The following RGS7 variants were observed in gnomAD, a reference collection of about 807,000 sequenced individuals.
The protein encoded by RGS7 is regulator of G-protein signaling 7.
RGS7 carries 27 observed loss-of-function variants against 81.1 expected under a neutral mutation model. The ratio of observed to expected loss-of-function variants is 0.33; its 90% CI spans 0.25 to 0.46. The LOEUF (loss-of-function observed/expected upper bound fraction) is 0.46, where lower values mean the gene tolerates loss of function less well. RGS7 is among the 20% of genes least tolerant of loss of function. The pLI is 1.00. For synonymous variants in RGS7, 208 were observed against 207.7 expected (o/e 1.00, Z -0.01); for missense variants, 396 against 607.4 (o/e 0.65, Z 3.66).
At chr1:241,278,498 T>G (rs992566968) in intron 2 of RGS7, among the ~76,000 whole-genome samples, 3 of 152,184 alleles carry the variant, frequency 2.0e-5, no homozygotes, top group South Asian at 4.1e-4. Context: ...GGCGCAGCCA[T>G]TGTTGTTGTT....
At chr1:241,320,744 C>A (rs1201490159) in intron 2 of RGS7, among the ~76,000 whole-genome samples, 3 of 152,190 alleles carry the variant, frequency 2.0e-5, no homozygotes, top group African/African-American at 7.2e-5. Flanking sequence ...CAGGAATAGT[C>A]AGGCAAATCC....
chr1:241,167,072 T>TG (rs1207690834), intron 2 of RGS7, among the ~76,000 whole-genome samples: 1 of 152,228 alleles, frequency 6.6e-6, no homozygotes, highest in East Asian at 1.9e-4. Flanking sequence ...ATACAGGGCA[T>TG]GGATAACCTG....
intron 15 of RGS7, 24 bp downstream of exon 15, chr1:240,806,116 G>A (rs372091238): frequency 4.4e-6 from 7 of 1,606,670 alleles, no homozygotes; most frequent in Middle Eastern, 1.9e-4. Context: ...CACGTTTGTG[G>A]TGTGAGGCTC....
At chr1:240,941,953 C>T (rs1677658157) in intron 4 of RGS7, among the ~76,000 whole-genome samples, 1 of 151,544 alleles carries the variant, frequency 6.6e-6, no homozygotes, top group Non-Finnish European at 1.5e-5. Flanking sequence ...ATTCTCTTCA[C>T]CCACACAGCT....
chr1:241,030,898 C>T (rs1468804214), intron 3 of RGS7, among the ~76,000 whole-genome samples: 1 of 152,164 alleles, frequency 6.6e-6, no homozygotes, highest in Admixed American at 6.6e-5. Flanking sequence ...AAGTGACATC[C>T]CTTTGAAAGG....
rs552813984 is a variant in RGS7, at chr1:241,353,028, G to A, written c.78+2671C>T. Among the ~76,000 whole-genome samples the A allele has an allele frequency of 1.8e-4, 27 of 152,310 alleles. No individual in the cohort carries two copies. In the South Asian group the frequency reaches 3.5e-3, roughly 20 times the overall value. ...CAGTTCAGAACACACTTTCAAGAAC[G>A]ATGCTTCAATAGTGAAGTAGAAGGG... is the stretch of plus-strand genomic sequence containing the variant. On this transcript the variant is annotated intron_variant, in intron 2 of 18. Coordinates refer to ENST00000440928, the MANE Select transcript of RGS7 (RefSeq NM_001364886.1).
intron 2 of RGS7, among the ~76,000 whole-genome samples, chr1:241,321,093 A>G (rs750791276): frequency 6.6e-6 from 1 of 152,204 alleles, no homozygotes; most frequent in Non-Finnish European, 1.5e-5. Flanking sequence ...TTTTATGAAG[A>G]TTTATAAACT....
Position 240,899,744 on chromosome 1 carries a change from G to A in RGS7, c.386-29625C>T, listed in dbSNP as rs191871335. 1.8e-3 allele frequency among the ~76,000 whole-genome samples: 272 copies of A among 152,206 alleles called. 2 individuals are homozygous for A. Among genetic ancestry groups the A allele is most frequent in the African/African-American group, 6.2e-3 (259 of 41,510 alleles). Reference sequence around the variant, plus strand: ...TTTTTTCCTTCATTTCAACTTTGGTGAATCTGACAATTATGTGTCTTAGAG... The same window carrying A: ...TTTTTTCCTTCATTTCAACTTTGGTAAATCTGACAATTATGTGTCTTAGAG... On this transcript the variant is annotated intron_variant, in intron 6 of 18. Coordinates refer to ENST00000440928, the MANE Select transcript of RGS7 (RefSeq NM_001364886.1).
At chr1:241,347,485 T>A (rs2082973094) in intron 2 of RGS7, among the ~76,000 whole-genome samples, 1 of 152,200 alleles carries the variant, frequency 6.6e-6, no homozygotes, top group South Asian at 2.1e-4. Context: ...TTTATACCTT[T>A]TATACCTCAA....
intron 6 of RGS7, among the ~76,000 whole-genome samples, chr1:240,888,679 G>A (rs1667774962): frequency 1.3e-5 from 2 of 152,144 alleles, no homozygotes; most frequent in Non-Finnish European, 2.9e-5. Context: ...AAACTGCACA[G>A]CCGCGCGTTG....
chr1:241,202,932 G>A (rs184626441), intron 2 of RGS7, among the ~76,000 whole-genome samples: 27 of 152,190 alleles, frequency 1.8e-4, no homozygotes, highest in Admixed American at 7.8e-4. Context: ...AGAGAAACAT[G>A]CTTCTGAGTC....
intron 6 of RGS7, among the ~76,000 whole-genome samples, chr1:240,872,606 C>G (rs1664686779): frequency 6.6e-6 from 1 of 152,228 alleles, no homozygotes; most frequent in South Asian, 2.1e-4. Flanking sequence ...AGTCCAGACA[C>G]AGTTGCTGTA....
chr1:240,779,671 A>G (rs937282507), intron 18 of RGS7, among the ~76,000 whole-genome samples: 2 of 152,200 alleles, frequency 1.3e-5, no homozygotes, highest in Non-Finnish European at 2.9e-5. Flanking sequence ...ATTTTGTTAT[A>G]GCTGACTATA....
At chr1:240,952,408 A>G (rs1679714989) in intron 4 of RGS7, among the ~76,000 whole-genome samples, 2 of 152,202 alleles carry the variant, frequency 1.3e-5, no homozygotes, top group Middle Eastern at 6.8e-3. Flanking sequence ...ATGGTATATG[A>G]AACAGTATAG....
intron 6 of RGS7, among the ~76,000 whole-genome samples, chr1:240,930,347 T>G (rs1675216089): frequency 6.6e-6 from 1 of 151,870 alleles, no homozygotes; most frequent in African/African-American, 2.4e-5. Flanking sequence ...TCAAGGGACT[T>G]ACTAAAAAGC....
intron 3 of RGS7, chr1:240,998,476 A>T (rs575669548): frequency 1.5e-5 from 15 of 1,009,916 alleles, no homozygotes; most frequent in Non-Finnish European, 2.1e-5. Context: ...CCATGTCACC[A>T]TCAGACTTCT....
At chr1:241,051,128 T>C (rs750510988) in intron 3 of RGS7, among the ~76,000 whole-genome samples, 3 of 151,884 alleles carry the variant, frequency 2.0e-5, no homozygotes, top group Non-Finnish European at 4.4e-5. Flanking sequence ...AGAGGCCAGG[T>C]GGGAGGGAGG....
chr1:241,005,436 A>C (rs577048158), intron 3 of RGS7, among the ~76,000 whole-genome samples: 58 of 151,576 alleles, frequency 3.8e-4, no homozygotes, highest in African/African-American at 1.3e-3. Flanking sequence ...ATGCCCTGAC[A>C]AAAAAAAACT....
chr1:240,975,869 T>A (rs146064223), intron 4 of RGS7, among the ~76,000 whole-genome samples: 1 of 152,378 alleles, frequency 6.6e-6, no homozygotes, highest in African/African-American at 2.4e-5. Context: ...TGGAAGAACG[T>A]TGCCAGTAAT....
Sources: allele counts gnomAD v4.1 joint callset (sites outside exome capture counted in the v4.1 genomes callset), GRCh38; gene constraint gnomAD v4.1.1; transcripts MANE v1.5; gene names NCBI Gene and HGNC (gene_info 2026-07-23, HGNC 2026-07-21).